The following STARD13 variants were observed in gnomAD, a reference collection of about 807,000 sequenced individuals.
The protein encoded by STARD13 is stAR-related lipid transfer protein 13.
STARD13 carries 62 observed loss-of-function variants against 106.4 expected under a neutral mutation model. The ratio of observed to expected loss-of-function variants is 0.58; its 90% CI spans 0.48 to 0.72. The LOEUF is 0.72. Among genes scored for constraint, STARD13 ranks in the 30% least tolerant of loss-of-function variants. The probability of loss-of-function intolerance (pLI) is 0.00; values close to 1 mark genes in which losing one functional copy is unlikely to be tolerated. For missense variants in STARD13, 1,387 were observed against 1,424.0 expected (o/e 0.97, Z 0.42); for synonymous variants, 565 against 553.0 (o/e 1.02, Z -0.31).
upstream of STARD13, among the ~76,000 whole-genome samples, chr13:33,352,635 C>G (rs1337630843): frequency 6.6e-6 from 1 of 152,224 alleles, no homozygotes; most frequent in Non-Finnish European, 1.5e-5. Context: ...CCAAGAGAAG[C>G]CAGATGAAAG....
the STARD13 span, among the ~76,000 whole-genome samples, chr13:33,654,380 C>A: frequency 4.1e-4 from 62 of 152,098 alleles, no homozygotes; most frequent in Non-Finnish European, 5.3e-4. Flanking sequence ...AGGGTACATA[C>A]TGTATGATTT....
At chr13:33,345,301 G>A (rs1381752123), downstream of STARD13, among the ~76,000 whole-genome samples, 3 of 152,196 alleles carry the variant, frequency 2.0e-5, no homozygotes, top group African/African-American at 7.2e-5. Context: ...GGTTATTCTT[G>A]TTACTCCAGG....
the STARD13 span, among the ~76,000 whole-genome samples, chr13:33,616,717 G>A: frequency 6.6e-6 from 1 of 152,318 alleles, no homozygotes; most frequent in Admixed American, 6.5e-5. Context: ...GATAGATATA[G>A]CCTCTGCCTT....
chr13:33,556,999 G>C, the STARD13 span, among the ~76,000 whole-genome samples: 1 of 152,140 alleles, frequency 6.6e-6, no homozygotes, highest in Admixed American at 6.5e-5. Flanking sequence ...TGATTCACCA[G>C]TTTGAAAAAA....
At chr13:33,568,002 G>C in the STARD13 span, among the ~76,000 whole-genome samples, 1 of 145,804 alleles carries the variant, frequency 6.9e-6, no homozygotes, top group African/African-American at 2.5e-5. Context: ...TGAAGAGATT[G>C]TTTTTATGGA....
chr13:33,571,803 G>C, the STARD13 span, among the ~76,000 whole-genome samples: 1 of 152,098 alleles, frequency 6.6e-6, no homozygotes. Context: ...ATGTATAACT[G>C]GATGCTATGA....
At chr13:33,590,291 C>T in the STARD13 span, among the ~76,000 whole-genome samples, 11 of 152,184 alleles carry the variant, frequency 7.2e-5, no homozygotes, top group South Asian at 6.2e-4. Context: ...GACAGTGTGG[C>T]GATTCCTCAA....
At chr13:33,172,356 A>G (rs1884060619) in intron 1 of STARD13, among the ~76,000 whole-genome samples, 1 of 152,240 alleles carries the variant, frequency 6.6e-6, no homozygotes. Context: ...CCAAGAGAAA[A>G]GAGTTCAATA....
chr13:33,110,501 T>C (rs1397880240), intron 11 of STARD13, among the ~76,000 whole-genome samples, 185 bp downstream of exon 11: 2 of 152,180 alleles, frequency 1.3e-5, no homozygotes, highest in African/African-American at 4.8e-5. Context: ...TCCGGCTCCA[T>C]AGTTTACTCT....
the STARD13 span, among the ~76,000 whole-genome samples, chr13:33,521,518 C>A: frequency 7.2e-5 from 11 of 152,070 alleles, no homozygotes; most frequent in Admixed American, 2.0e-4. Context: ...GGTTCCTCTG[C>A]CACATGGGCC....
chr13:33,570,027 T>C, the STARD13 span, among the ~76,000 whole-genome samples: 3 of 146,960 alleles, frequency 2.0e-5, no homozygotes, highest in Non-Finnish European at 4.5e-5. Flanking sequence ...GAACTTATTA[T>C]CCACGTAACC....
the STARD13 span, among the ~76,000 whole-genome samples, chr13:33,499,168 CAAA>C: frequency 3.3e-5 from 5 of 151,952 alleles, no homozygotes; most frequent in South Asian, 2.1e-4. Flanking sequence ...AAAACAAAAA[CAAA>C]AACAAATTTT....
intron 1 of STARD13, among the ~76,000 whole-genome samples, chr13:33,311,129 T>TAAAA (rs35391177): frequency 7.8e-6 from 1 of 128,444 alleles, no homozygotes; most frequent in Non-Finnish European, 1.7e-5. Flanking sequence ...CACCATTTCT[T>TAAAA]AAAAAAAAAA....
intron 1 of STARD13, chr13:33,272,381 A>G (rs1891207767): frequency 6.6e-6 from 1 of 152,234 alleles, no homozygotes; most frequent in African/African-American, 2.4e-5. Context: ...TTTTCTGATT[A>G]GGGTTACTCA....
At chr13:33,417,240 T>C in the STARD13 span, among the ~76,000 whole-genome samples, 2 of 152,194 alleles carry the variant, frequency 1.3e-5, no homozygotes, top group African/African-American at 4.8e-5. Context: ...TTGGTGAGGA[T>C]GTCAAGAAAT....
At chr13:33,343,589 A>AAAAAAAAAC (rs2077985696) in intron 1 of STARD13, among the ~76,000 whole-genome samples, 2 of 91,824 alleles carry the variant, frequency 2.2e-5, no homozygotes, top group Non-Finnish European at 4.3e-5. Context: ...AAAAAAAAAA[A>AAAAAAAAAC]AAAAAAAACA....
intron 1 of STARD13, among the ~76,000 whole-genome samples, chr13:33,291,837 T>C (rs1892306476): frequency 6.6e-6 from 1 of 152,230 alleles, no homozygotes; most frequent in African/African-American, 2.4e-5. Flanking sequence ...AGTGCATAAA[T>C]AGCTGGATGC....
At chr13:33,552,370 T>C in the STARD13 span, among the ~76,000 whole-genome samples, 2 of 152,250 alleles carry the variant, frequency 1.3e-5, no homozygotes, top group Admixed American at 6.5e-5. Context: ...TCCTCCAAAA[T>C]AGACCATATT....
chr13:33,389,651 G>T, the STARD13 span, among the ~76,000 whole-genome samples: 4 of 151,954 alleles, frequency 2.6e-5, no homozygotes, highest in East Asian at 3.9e-4. Flanking sequence ...TAGTCACATT[G>T]TTCATTCACA....
Sources: allele counts gnomAD v4.1 joint callset (sites outside exome capture counted in the v4.1 genomes callset), GRCh38; gene constraint gnomAD v4.1.1; transcripts MANE v1.5; gene names NCBI Gene and HGNC (gene_info 2026-07-23, HGNC 2026-07-21).